Variants in PPP4R3A observed in about 807,000 individuals in gnomAD.
PPP4R3A encodes the protein protein phosphatase 4 regulatory subunit 3A.
Under a neutral mutation model 91.7 loss-of-function variants are expected in PPP4R3A, and 15 were observed. That is an observed-to-expected ratio of 0.16 (90% CI 0.11 to 0.25). The LOEUF is 0.25. Among genes scored for constraint, PPP4R3A ranks in the 10% least tolerant of loss-of-function variants. PPP4R3A has a pLI of 1.00. For missense variants in PPP4R3A, 623 were observed against 998.4 expected (o/e 0.62, Z 5.07); for synonymous variants, 377 against 348.7 (o/e 1.08, Z -0.91).
chr14:91,498,290 G>A (rs1890710449), intron 1 of PPP4R3A, among the ~76,000 whole-genome samples: 1 of 151,622 alleles, frequency 6.6e-6, no homozygotes. Context: ...AGCCAAGATT[G>A]TGCCACTGCA....
At chr14:91,509,305 C>T (rs1289859369) in intron 1 of PPP4R3A, among the ~76,000 whole-genome samples, 3 of 152,196 alleles carry the variant, frequency 2.0e-5, no homozygotes, top group Non-Finnish European at 4.4e-5. Context: ...ACCAGGCACT[C>T]AGAGAAAGGA....
intron 1 of PPP4R3A, among the ~76,000 whole-genome samples, chr14:91,496,088 G>T (rs891897146): frequency 2.0e-5 from 3 of 152,102 alleles, no homozygotes; most frequent in Non-Finnish European, 4.4e-5. Context: ...ATAAACCATA[G>T]AATTCAATTT....
intron 1 of PPP4R3A, among the ~76,000 whole-genome samples, chr14:91,496,672 T>TC (rs1679079789): frequency 6.6e-6 from 1 of 152,176 alleles, no homozygotes; most frequent in Non-Finnish European, 1.5e-5. Flanking sequence ...GAGGGAAGTA[T>TC]CCCCTGAAAC....
At chr14:91,467,861 TTA>T (rs1888569803) in intron 10 of PPP4R3A, among the ~76,000 whole-genome samples, 1 of 152,196 alleles carries the variant, frequency 6.6e-6, no homozygotes, top group African/African-American at 2.4e-5. Flanking sequence ...CTGTCTGCAT[TTA>T]TATATGTGCA....
chr14:91,484,459 G>A (rs1052652173), intron 3 of PPP4R3A, among the ~76,000 whole-genome samples: 1 of 152,146 alleles, frequency 6.6e-6, no homozygotes, highest in Non-Finnish European at 1.5e-5. Flanking sequence ...ATTCATTTAT[G>A]TGCTGTCTAT....
At chr14:91,509,032 A>G (rs1456909218) in intron 1 of PPP4R3A, among the ~76,000 whole-genome samples, 1 of 152,222 alleles carries the variant, frequency 6.6e-6, no homozygotes, top group East Asian at 1.9e-4. Context: ...AGATGTTTAA[A>G]AAGAAAAACA....
chr14:91,489,285 A>T (rs1207261693), intron 2 of PPP4R3A, among the ~76,000 whole-genome samples: 2 of 152,168 alleles, frequency 1.3e-5, no homozygotes, highest in Non-Finnish European at 2.9e-5. Flanking sequence ...AACCTGCCCA[A>T]ATTAGATGGC....
At chr14:91,479,669 G>A (rs529878765) in intron 4 of PPP4R3A, among the ~76,000 whole-genome samples, 56 of 152,126 alleles carry the variant, frequency 3.7e-4, no homozygotes, top group Admixed American at 1.0e-3. Context: ...TCAGCCTCCC[G>A]AGTCTGGGAT....
At position 91,487,249 on chromosome 14, in the gene PPP4R3A, CAAAAAAAAA is replaced by C. The variant is rs35970764; in HGVS notation, c.199-1528_199-1520del. Among the ~76,000 whole-genome samples the C allele has an allele frequency of 8.8e-3, 703 of 80,296 alleles. 6 individuals carry two copies. Among genetic ancestry groups the C allele is most frequent in the African/African-American group, 0.031 (664 of 21,418 alleles). 52.7% of individuals were successfully genotyped at this position (80,296 alleles called of 152,430 possible). On this transcript the variant is annotated intron_variant, in intron 2 of 14. Coordinates refer to ENST00000554943, the MANE Select transcript of PPP4R3A (RefSeq NM_001366432.2). ...TGGGTGACAGAGTGAGAGTCCGTCT[CAAAAAAAAA>C]AAAAAAAAAAAAAAATCCTTTCAAA...
intron 9 of PPP4R3A, among the ~76,000 whole-genome samples, chr14:91,472,458 G>GTTTT (rs76707705): frequency 6.0e-5 from 8 of 133,154 alleles, no homozygotes; most frequent in Non-Finnish European, 1.1e-4. Flanking sequence ...CAGGAAAATT[G>GTTTT]TTTTTTTTTT....
intron 3 of PPP4R3A, 71 bp downstream of exon 3, chr14:91,485,561 A>G: frequency 1.0e-6 from 1 of 984,286 alleles, no homozygotes; most frequent in Non-Finnish European, 1.5e-6. Context: ...ACTCTTGGGC[A>G]TTAGTTGAAA....
chr14:91,501,163 A>C (rs908151983), intron 1 of PPP4R3A, among the ~76,000 whole-genome samples: 3 of 152,214 alleles, frequency 2.0e-5, no homozygotes, highest in African/African-American at 7.2e-5. Context: ...GAATTCCTGT[A>C]ATTTTTATGG....
intron 3 of PPP4R3A, among the ~76,000 whole-genome samples, chr14:91,483,111 G>A (rs1030753582): frequency 1.3e-5 from 2 of 152,092 alleles, no homozygotes; most frequent in African/African-American, 4.8e-5. Context: ...TTAAAGTAAG[G>A]CATTTTTTTT....
chr14:91,490,648 T>A (rs1390303008), intron 2 of PPP4R3A, 99 bp downstream of exon 2: 3 of 888,536 alleles, frequency 3.4e-6, no homozygotes, highest in East Asian at 5.6e-5. Context: ...CAAACTGTTG[T>A]AATCTCTTCT....
At position 91,509,658 on chromosome 14, in the gene PPP4R3A, G is replaced by T. The variant is rs756723283; in HGVS notation, c.-11C>A. On this transcript the variant is annotated 5_prime_UTR_variant, in exon 1 of 15. Coordinates refer to ENST00000554943, the MANE Select transcript of PPP4R3A (RefSeq NM_001366432.2). ...CCGGGTGTCGGTCATCGTGCCGCCC[G>T]GGAACCGGGGCGGGGGCCCCGCCAG... 4 of 1,590,702 alleles carry T rather than the reference G, an allele frequency of 2.5e-6. No individual in the cohort carries two copies. The highest frequency in any genetic ancestry group is 2.3e-5 in the East Asian group (1 of 44,330).
chr14:91,479,099 C>A (rs1889381714), intron 4 of PPP4R3A, among the ~76,000 whole-genome samples: 1 of 152,138 alleles, frequency 6.6e-6, no homozygotes, highest in African/African-American at 2.4e-5. Context: ...TCTCCTGCCT[C>A]ATTCTCCTGA....
intron 14 of PPP4R3A, among the ~76,000 whole-genome samples, chr14:91,460,866 G>A (rs750993138): frequency 1.4e-4 from 22 of 152,126 alleles, no homozygotes; most frequent in South Asian, 1.0e-3. Flanking sequence ...TGTCCTGCCC[G>A]CCTCAGCCTC....
chr14:91,475,320 A>AT lies in PPP4R3A; in HGVS notation c.1266+490dup, dbSNP rs1595061435. The AT allele has an allele frequency of 1.9e-5, 3 of 158,050 alleles. No homozygotes were observed. In the East Asian group the frequency reaches 5.6e-4, roughly 30 times the overall value. 9.8% of individuals were successfully genotyped at this position (158,050 alleles called of 1,614,324 possible). A position where few individuals can be genotyped will look rare whatever the true frequency, so the allele number is the denominator to read the frequency against. ...ATTCTCTACTACTTTAAAATCTGGTATATCTCAGATGCTAACGTGAGTGTT... is the reference window on the plus strand; with the variant it reads ...ATTCTCTACTACTTTAAAATCTGGTATTATCTCAGATGCTAACGTGAGTGTT... On this transcript the variant is annotated intron_variant, in intron 7 of 14. Transcript: ENST00000554943.
chr14:91,489,379 T>C (rs1471640402), intron 2 of PPP4R3A, among the ~76,000 whole-genome samples: 1 of 152,230 alleles, frequency 6.6e-6, no homozygotes, highest in East Asian at 1.9e-4. Flanking sequence ...CACATTCTGC[T>C]ATAACGTATA....
Sources: allele counts gnomAD v4.1 joint callset (sites outside exome capture counted in the v4.1 genomes callset), GRCh38; gene constraint gnomAD v4.1.1; transcripts MANE v1.5; gene names NCBI Gene and HGNC (gene_info 2026-07-23, HGNC 2026-07-21).